The following DLG1 variants were observed in gnomAD, a reference collection of about 807,000 sequenced individuals.
DLG1 encodes discs large MAGUK scaffold protein 1, also known as disks large homolog 1.
In DLG1, 42 loss-of-function variants were observed where a neutral mutation model predicts 123.4. The ratio of observed to expected loss-of-function variants is 0.34; its 90% confidence interval spans 0.27 to 0.44. The LOEUF is 0.44. Among genes scored for constraint, DLG1 ranks in the 20% least tolerant of loss-of-function variants. The pLI is 1.00. For synonymous variants in DLG1, 317 were observed against 356.2 expected, an observed-to-expected ratio of 0.89 and a Z score of 1.24; for missense variants, 942 against 1,082.6, an observed-to-expected ratio of 0.87 and a Z score of 1.82.
chr3:197,230,135 A>G (rs967478470), intron 4 of DLG1, among the ~76,000 whole-genome samples: 1 of 152,216 alleles, frequency 6.6e-6, no homozygotes, highest in Non-Finnish European at 1.5e-5. Context: ...TTCAATTACT[A>G]ATCTGTTTAA....
intron 4 of DLG1, among the ~76,000 whole-genome samples, chr3:197,273,188 A>ATGTGTGTGTGTGTGTGTGTGTGTGTG (rs34778202): frequency 6.8e-6 from 1 of 147,870 alleles, no homozygotes; most frequent in African/African-American, 2.5e-5. Flanking sequence ...CACTGAATAT[A>ATGTGTGTGTGTGTGTGTGTGTGTGTG]TGTGTGTGTG....
chr3:197,239,209 C>A lies in DLG1; in HGVS notation c.318+43470G>T, dbSNP rs904030954. Reference sequence around the variant, plus strand: ...CCTATATAGAGCAAGTAAATGCCAACAAACTAGATAACCTAAATGAAATGG... The same window carrying A: ...CCTATATAGAGCAAGTAAATGCCAAAAAACTAGATAACCTAAATGAAATGG... On this transcript the variant is annotated intron_variant, in intron 4 of 24. Coordinates refer to ENST00000667157, the MANE Select transcript of DLG1 (RefSeq NM_001366207.1). Among the ~76,000 whole-genome samples the A allele has an allele frequency of 5.3e-5, 8 of 151,978 alleles. No homozygotes were observed. In the South Asian group the frequency reaches 1.2e-3, roughly 24 times the overall value.
chr3:197,078,752 G>A (rs1031652745), intron 17 of DLG1, among the ~76,000 whole-genome samples: 23 of 152,070 alleles, frequency 1.5e-4, no homozygotes, highest in African/African-American at 5.3e-4. Context: ...AAATCTTTTC[G>A]TTCATAAGAA....
chr3:197,150,872 T>C (rs1004424935), intron 5 of DLG1, among the ~76,000 whole-genome samples: 3 of 152,080 alleles, frequency 2.0e-5, no homozygotes, highest in Non-Finnish European at 4.4e-5. Flanking sequence ...TTAAACAGTA[T>C]GCATTTGGGC....
intron 4 of DLG1, among the ~76,000 whole-genome samples, chr3:197,236,360 A>G (rs1289675555): frequency 2.6e-5 from 4 of 152,150 alleles, no homozygotes; most frequent in Non-Finnish European, 5.9e-5. Flanking sequence ...CAAGTAAACA[A>G]CAGCTGAGAG....
chr3:197,138,488 A>T (rs1351204864), intron 8 of DLG1, 97 bp from the exon 9 acceptor site: 14 of 523,444 alleles, frequency 2.7e-5, no homozygotes, highest in Non-Finnish European at 5.4e-6. Flanking sequence ...TTTTAAGGTA[A>T]AGAGAATTAT....
chr3:197,145,066 C>CAA (rs1340311379), intron 6 of DLG1, among the ~76,000 whole-genome samples: 3 of 151,982 alleles, frequency 2.0e-5, no homozygotes, highest in Non-Finnish European at 4.4e-5. Context: ...CACACACACA[C>CAA]ACACACACAC....
chr3:197,176,343 G>A (rs1248820767), intron 5 of DLG1, among the ~76,000 whole-genome samples: 2 of 148,808 alleles, frequency 1.3e-5, no homozygotes, highest in Admixed American at 6.7e-5. Flanking sequence ...TAATTTACAT[G>A]AGAGTTGACT....
chr3:197,110,766 T>G (rs1343971991), intron 13 of DLG1, among the ~76,000 whole-genome samples: 2 of 152,182 alleles, frequency 1.3e-5, no homozygotes, highest in Non-Finnish European at 2.9e-5. Context: ...AATGACTGAA[T>G]ACATATTTCC....
rs575454784 is a variant in DLG1 at position 197,108,885 on chromosome 3, G to T, written c.1444-3880C>A. 1.5e-3 allele frequency among the ~76,000 whole-genome samples: 226 copies of T among 152,140 alleles called. 1 individual carries two copies. Among genetic ancestry groups the T allele is most frequent in the Non-Finnish European group, 2.8e-3 (188 of 67,984 alleles). ...ATTTAATATAATTACTGATAATGTA[G>T]AATTTACTTAATTTGGTTATTTGTT... On this transcript the variant is annotated intron_variant, in intron 13 of 24. Coordinates refer to ENST00000667157, the MANE Select transcript of DLG1 (RefSeq NM_001366207.1).
At chr3:197,209,350 T>A (rs956073412) in intron 4 of DLG1, among the ~76,000 whole-genome samples, 1 of 146,662 alleles carries the variant, frequency 6.8e-6, no homozygotes, top group African/African-American at 2.4e-5. Flanking sequence ...ATAAGAACCA[T>A]AAATGTGTGT....
intron 4 of DLG1, among the ~76,000 whole-genome samples, chr3:197,258,346 T>C (rs1026978179): frequency 2.7e-5 from 4 of 149,450 alleles, no homozygotes; most frequent in Non-Finnish European, 5.9e-5. Flanking sequence ...GCAGTGATGG[T>C]TTAGTCATCA....
chr3:197,257,850 T>A (rs1757534304), intron 4 of DLG1, among the ~76,000 whole-genome samples: 1 of 152,218 alleles, frequency 6.6e-6, no homozygotes, highest in Admixed American at 6.5e-5. Flanking sequence ...TGCTCTGAGT[T>A]AATTTTCCTA....
chr3:197,052,592 C>G (rs1334166254), intron 23 of DLG1, among the ~76,000 whole-genome samples: 2 of 152,082 alleles, frequency 1.3e-5, no homozygotes, highest in Non-Finnish European at 2.9e-5. Flanking sequence ...AGCCAAAAAA[C>G]CTATTCATTA....
intron 4 of DLG1, among the ~76,000 whole-genome samples, chr3:197,242,313 G>A (rs1204456876): frequency 6.6e-6 from 1 of 151,980 alleles, no homozygotes; most frequent in Non-Finnish European, 1.5e-5. Context: ...ATACATCCAA[G>A]GGGATAGACT....
At chr3:197,228,406 T>C (rs1035877934) in intron 4 of DLG1, among the ~76,000 whole-genome samples, 1 of 152,262 alleles carries the variant, frequency 6.6e-6, no homozygotes, top group Non-Finnish European at 1.5e-5. Flanking sequence ...GTGCTCTTAA[T>C]ACAGTCTGCC....
intron 4 of DLG1, among the ~76,000 whole-genome samples, chr3:197,233,110 G>C (rs1453839458): frequency 6.6e-6 from 1 of 151,972 alleles, no homozygotes; most frequent in Non-Finnish European, 1.5e-5. Context: ...CAGGATACAA[G>C]AGTAAAATAA....
rs1168440024 is a variant in DLG1, at chr3:197,116,086, A to G, written c.1287-3T>C. 2.5e-6 allele frequency: 4 copies of G among 1,588,336 alleles called. No individual in the cohort carries two copies. In the South Asian group the frequency reaches 4.7e-5, roughly 19 times the overall value. On this transcript the variant is annotated splice_polypyrimidine_tract_variant and splice_region_variant and intron_variant, in intron 12 of 24. Transcript: ENST00000667157. ...GAAGAACAACTTTTCTAGGTTCCCT[A>G]AAAATTAAAAAAAATTGAGTATCTT...
chr3:197,072,820 C>G (rs1398094759), intron 18 of DLG1, among the ~76,000 whole-genome samples: 3 of 152,096 alleles, frequency 2.0e-5, no homozygotes, highest in African/African-American at 7.2e-5. Context: ...AGCCTCCCTC[C>G]CGAGTAGCTT....
Sources: allele counts gnomAD v4.1 joint callset (sites outside exome capture counted in the v4.1 genomes callset), GRCh38; gene constraint gnomAD v4.1.1; transcripts MANE v1.5; gene names NCBI Gene and HGNC (gene_info 2026-07-23, HGNC 2026-07-21).